The following VAV1 variants were observed in gnomAD, a reference collection of about 807,000 sequenced individuals.
VAV1 encodes the protein vav guanine nucleotide exchange factor 1.
Under a neutral mutation model 128.1 loss-of-function variants are expected in VAV1, and 33 were observed. The observed-to-expected ratio is 0.26, with a 90% CI of 0.20 to 0.34. The LOEUF is 0.34. Ranked by LOEUF, VAV1 falls within the 10% of genes least tolerant of loss-of-function variation. VAV1 has a pLI of 1.00. For missense variants in VAV1, 715 were observed against 1,093.7 expected, an observed-to-expected ratio of 0.65 and a Z score of 4.88; for synonymous variants, 394 against 409.8, an observed-to-expected ratio of 0.96 and a Z score of 0.47.
chr19:6,838,093 GTCTGTCTA>G (rs1304720300), intron 21 of VAV1, among the ~76,000 whole-genome samples: 7 of 101,394 alleles, frequency 6.9e-5, no homozygotes, highest in African/African-American at 1.3e-4. Flanking sequence ...CTGTCTGTCT[GTCTGTCTA>G]TCTATCTATC....
chr19:6,831,135 T>C (rs371572261), intron 14 of VAV1, among the ~76,000 whole-genome samples: 337 of 152,042 alleles, frequency 2.2e-3, no homozygotes, highest in Non-Finnish European at 4.0e-3. Flanking sequence ...TAGGTGAGGG[T>C]GGGAGGGGGA....
chr19:6,802,745 C>A (rs1971303231), intron 1 of VAV1, among the ~76,000 whole-genome samples: 1 of 152,188 alleles, frequency 6.6e-6, no homozygotes, highest in Admixed American at 6.5e-5. Context: ...AGGTTAGAGG[C>A]ACAGACTTTG....
chr19:6,852,386 T>C (rs1972689325), intron 24 of VAV1, among the ~76,000 whole-genome samples: 6 of 152,290 alleles, frequency 3.9e-5, no homozygotes, highest in African/African-American at 1.4e-4. Context: ...GAGCTAATTA[T>C]CTGGTAAATT....
At chr19:6,784,361 G>A in intron 1 of VAV1, 1 of 422,080 alleles carries the variant, frequency 2.4e-6, no homozygotes, top group East Asian at 3.4e-5. Context: ...GAGGGAGCTG[G>A]GTGATAGCAA....
intron 1 of VAV1, among the ~76,000 whole-genome samples, chr19:6,789,593 CTCCT>C (rs1555698635): frequency 1.3e-4 from 19 of 150,090 alleles, no homozygotes; most frequent in Middle Eastern, 3.5e-3. Flanking sequence ...TTTTCTTTCC[CTCCT>C]TCCTTCCTTC....
intron 19 of VAV1, 53 bp downstream of exon 19, chr19:6,834,006 G>A (rs1416160545): frequency 5.6e-6 from 9 of 1,611,598 alleles, no homozygotes; most frequent in Middle Eastern, 1.7e-4. Context: ...CATCTCTATT[G>A]ATGTTGACCC....
In VAV1 at chr19:6,821,803, C is replaced by T. The variant is rs189506511; in HGVS notation, c.393C>T (p.Thr131=). The change falls in exon 4 of 27, where the codon ACC becomes ACT. Residue 131 remains threonine (T), a synonymous_variant. Transcript: ENST00000602142. ...CCTGACCCCCCAGGCCCTTCCCCACCGAGGAGGAGAGTGTAGGTGATGAAG... is the reference window on the plus strand; with the variant it reads ...CCTGACCCCCCAGGCCCTTCCCCACTGAGGAGGAGAGTGTAGGTGATGAAG... ...AQNRGIMPFP[T]EEESVGDEDI... 20 of 1,614,192 alleles carry T rather than the reference C, an allele frequency of 1.2e-5. No individual in the cohort carries two copies. The highest frequency in any genetic ancestry group is 6.7e-5 in the East Asian group (3 of 44,880).
chr19:6,854,730 A>G (rs1167808705), intron 26 of VAV1, among the ~76,000 whole-genome samples: 1 of 152,090 alleles, frequency 6.6e-6, no homozygotes, highest in Non-Finnish European at 1.5e-5. Context: ...AAGAAAGAAT[A>G]AAAGAGATTG....
chr19:6,846,873 C>T (rs1972535772), intron 22 of VAV1, among the ~76,000 whole-genome samples: 1 of 147,014 alleles, frequency 6.8e-6, no homozygotes, highest in African/African-American at 2.5e-5. Flanking sequence ...TTTACACTCA[C>T]ATTATAAATA....
At position 6,825,102 on chromosome 19, in the gene VAV1, T is replaced by A. The variant is rs184362178; in HGVS notation, c.704T>A (p.Ile235Asn). Residue 235 changes from isoleucine to asparagine, a missense_variant, in exon 7 of 27, where the codon ATC becomes AAC. Around this residue, in one of 3 missense-constraint regions of VAV1, gnomAD observed 302 missense variants for 477.8 expected, o/e 0.63. Transcript: ENST00000602142. ...TTCCTGAAACCTCAAGACATTGAGA[T>A]CATCTTTATCAACATTGAGGTGAGC... ...QRFLKPQDIE[I>N]IFINIEDLLR... 2 of 1,612,916 alleles carry A rather than the reference T, an allele frequency of 1.2e-6. No individual in the cohort carries two copies. The highest frequency in any genetic ancestry group is 3.3e-5 in the Admixed American group (2 of 60,000).
intron 1 of VAV1, among the ~76,000 whole-genome samples, chr19:6,785,547 G>T (rs1970869688): frequency 1.3e-5 from 2 of 151,646 alleles, no homozygotes; most frequent in Non-Finnish European, 2.9e-5. Context: ...GGCCAGGCTG[G>T]TCTCAAACTC....
Position 6,825,305 on chromosome 19 carries a change from C to T in VAV1, c.726C>T (p.Asp242=), listed in dbSNP as rs755609796. The change falls in exon 8 of 27, where the codon GAC becomes GAT. Residue 242 remains aspartate (D), a splice_region_variant and synonymous_variant. Coordinates refer to ENST00000602142, the MANE Select transcript of VAV1 (RefSeq NM_005428.4). ...DIEIIFINIE[D]LLRVHTHFLK... The stretch of plus-strand genomic sequence containing the variant: ...CCCTCACCCTTCCCTCCGAGTAGGA[C>T]CTGCTTCGTGTTCATACTCACTTCC... The T allele has an allele frequency of 1.2e-6, 2 of 1,611,470 alleles. No individual in the cohort carries two copies. Among genetic ancestry groups the T allele is most frequent in the Admixed American group, 3.3e-5 (2 of 59,960 alleles).
intron 1 of VAV1, among the ~76,000 whole-genome samples, chr19:6,794,901 G>C (rs1378824006): frequency 6.6e-6 from 1 of 152,146 alleles, no homozygotes; most frequent in Non-Finnish European, 1.5e-5. Flanking sequence ...GAATGCTCTG[G>C]AGGATTCTTC....
Position 6,832,024 on chromosome 19 carries a change from TGGGTG to T in VAV1, c.1399-64_1399-60del, listed in dbSNP as rs1189927350. On this transcript the variant is annotated intron_variant, in intron 14 of 26. Coordinates refer to ENST00000602142, the MANE Select transcript of VAV1 (RefSeq NM_005428.4). ...TGCCTGTTCCCTACAGAGGGAGGGGTGGGTGGGTGTGTGCTCCCACCCTCTGCGGG... is the reference window on the plus strand; with the variant it reads ...TGCCTGTTCCCTACAGAGGGAGGGGTGGTGTGTGCTCCCACCCTCTGCGGG... 33 of 1,137,908 alleles carry T rather than the reference TGGGTG, an allele frequency of 2.9e-5. 1 individual carries two copies. The highest frequency in any genetic ancestry group is 3.4e-5 in the Non-Finnish European group (28 of 819,978). The allele number at this position is 1,137,908 out of a possible 1,614,324, so 70.5% of individuals were successfully genotyped here.
At chr19:6,817,301 T>G (rs1971677540) in intron 1 of VAV1, among the ~76,000 whole-genome samples, 1 of 151,758 alleles carries the variant, frequency 6.6e-6, no homozygotes, top group Non-Finnish European at 1.5e-5. Flanking sequence ...TGACCTCAAG[T>G]AATCTGCCTG....
At position 6,848,012 on chromosome 19, in the gene VAV1, T is replaced by C. The variant is rs1486725623; in HGVS notation, c.2027T>C (p.Met676Thr). 6.6e-7 allele frequency: 1 copy of C among 1,520,604 alleles called. No individual in the cohort carries two copies. Among genetic ancestry groups the C allele is most frequent in the Non-Finnish European group, 8.8e-7 (1 of 1,141,934 alleles). 94.2% of individuals were successfully genotyped at this position (1,520,604 alleles called of 1,614,324 possible). The change falls in exon 23 of 27, where the codon ATG becomes ACG. Residue 676 changes from methionine (M) to threonine (T), a missense_variant. Met to Thr is a moderately conservative substitution (Grantham distance 81). Coordinates refer to ENST00000602142, the MANE Select transcript of VAV1 (RefSeq NM_005428.4). ...TCTCTTTGCAGGTACGCAGGCCCCA[T>C]GGAGCGGGCAGGGGCAGAGAGCATC... ...LSVHLWYAGP[M>T]ERAGAESILA...
chr19:6,794,455 T>C (rs1265146533), intron 1 of VAV1, among the ~76,000 whole-genome samples: 3 of 152,144 alleles, frequency 2.0e-5, no homozygotes, highest in Admixed American at 6.5e-5. Context: ...CAGTGAGCTA[T>C]GATTGCATCA....
Position 6,838,469 on chromosome 19 carries a change from T to C in VAV1, c.1980+1419T>C, listed in dbSNP as rs184243249. ...ATCTATCTACTTATCAATACATTCA[T>C]GATCTATTCATCCACCTATCATTTA... On this transcript the variant is annotated intron_variant, in intron 21 of 26. Coordinates refer to ENST00000602142, the MANE Select transcript of VAV1 (RefSeq NM_005428.4). Among the ~76,000 whole-genome samples the C allele has an allele frequency of 4.4e-3, 676 of 152,172 alleles. 4 individuals carry two copies. Among genetic ancestry groups the C allele is most frequent in the Middle Eastern group, 0.02 (6 of 294 alleles).
intron 1 of VAV1, among the ~76,000 whole-genome samples, chr19:6,804,140 A>G (rs1971333356): frequency 6.6e-6 from 1 of 152,018 alleles, no homozygotes. Flanking sequence ...CTATGACACT[A>G]TAATAGTGGA....
Sources: allele counts gnomAD v4.1 joint callset (sites outside exome capture counted in the v4.1 genomes callset), GRCh38; gene constraint gnomAD v4.1.1; regional missense constraint gnomAD v4.1.1; transcripts MANE v1.5; gene names NCBI Gene and HGNC (gene_info 2026-07-23, HGNC 2026-07-21).